RFTN1: variants seen among roughly 807,000 people sequenced by gnomAD.
The protein encoded by RFTN1 is raftlin.
RFTN1 carries 26 observed loss-of-function variants against 46.5 expected under a neutral mutation model. The observed-to-expected ratio is 0.56, with a 90% CI of 0.41 to 0.78. The LOEUF (loss-of-function observed/expected upper bound fraction) is 0.78, where lower values mean the gene tolerates loss of function less well. Ranked by LOEUF, RFTN1 falls within the 30% of genes least tolerant of loss-of-function variation. RFTN1 has a pLI of 0.00. For missense variants in RFTN1, 693 were observed against 718.7 expected, an observed-to-expected ratio of 0.96 and a Z score of 0.41; for synonymous variants, 261 against 284.2, an observed-to-expected ratio of 0.92 and a Z score of 0.82.
At chr3:16,488,305 G>A (rs2076484022) in intron 2 of RFTN1, among the ~76,000 whole-genome samples, 1 of 152,044 alleles carries the variant, frequency 6.6e-6, no homozygotes, top group Non-Finnish European at 1.5e-5. Flanking sequence ...CTCCATGTTG[G>A]TCAGGCTGGT....
intron 4 of RFTN1, among the ~76,000 whole-genome samples, chr3:16,405,468 C>T (rs981485410): frequency 1.3e-5 from 2 of 152,130 alleles, no homozygotes; most frequent in African/African-American, 4.8e-5. Context: ...AGCTAGAGCA[C>T]TCAGAGAAAC....
rs57242614 is a variant in RFTN1 at position 16,443,750 on chromosome 3, AACAC to A, written c.146-9717_146-9714del. ...CACACATAGTCAATGAATTACACAC[AACAC>A]ACACACACACACACACACACACACA... is the stretch of plus-strand genomic sequence containing the variant. On this transcript the variant is annotated intron_variant, in intron 2 of 9. Transcript: ENST00000334133. The surrounding 1 kb of genome is among the most constrained non-coding windows in gnomAD (Gnocchi z 5.5). 0.053 allele frequency among the ~76,000 whole-genome samples: 7,739 copies of A among 145,924 alleles called. 252 individuals carry two copies. Among genetic ancestry groups the A allele is most frequent in the African/African-American group, 0.11 (4,314 of 39,880 alleles).
Position 16,507,562 on chromosome 3 carries a change from C to T in RFTN1, c.-9+5880G>A, listed in dbSNP as rs995385103. Among the ~76,000 whole-genome samples, 3 of 151,754 alleles carry T rather than the reference C, an allele frequency of 2.0e-5. No individual in the cohort carries two copies. Among genetic ancestry groups the T allele is most frequent in the African/African-American group, 7.3e-5 (3 of 41,228 alleles). Reference sequence around the variant, plus strand: ...ATTCCATAAAACTTGAAGGATTCCTCAGGACAAAGGGTAAAAGGCAAAGTA... The same window carrying T: ...ATTCCATAAAACTTGAAGGATTCCTTAGGACAAAGGGTAAAAGGCAAAGTA... On this transcript the variant is annotated intron_variant, in intron 1 of 9. Coordinates refer to ENST00000334133, the MANE Select transcript of RFTN1 (RefSeq NM_015150.2). This position sits in a 1 kb window ranked among gnomAD's most constrained non-coding sequence, Gnocchi z 7.1.
At chr3:16,453,458 C>T (rs1340525765) in intron 2 of RFTN1, among the ~76,000 whole-genome samples, 2 of 152,186 alleles carry the variant, frequency 1.3e-5, no homozygotes, top group African/African-American at 4.8e-5. Context: ...AACCAACAAA[C>T]GACACCTCCT....
chr3:16,435,084 T>A (rs1424119502), intron 2 of RFTN1, among the ~76,000 whole-genome samples: 1 of 152,248 alleles, frequency 6.6e-6, no homozygotes, highest in East Asian at 1.9e-4. Context: ...GTCTACATCC[T>A]AGCCCTATCC....
Position 16,468,281 on chromosome 3 carries a change from G to T in RFTN1, c.145+25444C>A, listed in dbSNP as rs961181854. Among the ~76,000 whole-genome samples the T allele has an allele frequency of 6.6e-6, 1 of 152,108 alleles. No homozygotes were observed. The highest frequency in any genetic ancestry group is 6.5e-5 in the Admixed American group (1 of 15,268). Reference sequence around the variant, plus strand: ...TTTTCATTTGGAAACTTATCTGTAGGAGTTCCCAAACCCTCACTGTCGTTC... The same window carrying T: ...TTTTCATTTGGAAACTTATCTGTAGTAGTTCCCAAACCCTCACTGTCGTTC... On this transcript the variant is annotated intron_variant, in intron 2 of 9. Coordinates refer to ENST00000334133, the MANE Select transcript of RFTN1 (RefSeq NM_015150.2). The surrounding 1 kb of genome is among the most constrained non-coding windows in gnomAD (Gnocchi z 4.4).
rs1429578565 is a variant in RFTN1, at chr3:16,351,391, G to A, written c.1146+6541C>T. Among the ~76,000 whole-genome samples the A allele has an allele frequency of 6.6e-6, 1 of 152,180 alleles. No individual in the cohort carries two copies. Among genetic ancestry groups the A allele is most frequent in the Non-Finnish European group, 1.5e-5 (1 of 68,028 alleles). ...ATATATCCATGATCAGAAATGTCTT[G>A]ACAGGCTGGGGAAATGGGCAGAAGC... On this transcript the variant is annotated intron_variant, in intron 7 of 9. Coordinates refer to ENST00000334133, the MANE Select transcript of RFTN1 (RefSeq NM_015150.2). This position sits in a 1 kb window ranked among gnomAD's most constrained non-coding sequence, Gnocchi z 5.4.
At position 16,352,418 on chromosome 3, in the gene RFTN1, C is replaced by G. The variant is rs149905344; in HGVS notation, c.1146+5514G>C. Among the ~76,000 whole-genome samples, 6 of 152,304 alleles carry G rather than the reference C, an allele frequency of 3.9e-5. No homozygotes were observed. The East Asian group carries it at 1.2e-3, about 29-fold the overall frequency. Reference sequence around the variant, plus strand: ...TCTATGTAGTTTTTTCCTTTCCTTTCCAAGAATTACCCTTTCTGCTCACAT... The same window carrying G: ...TCTATGTAGTTTTTTCCTTTCCTTTGCAAGAATTACCCTTTCTGCTCACAT... On this transcript the variant is annotated intron_variant, in intron 7 of 9. Coordinates refer to ENST00000334133, the MANE Select transcript of RFTN1 (RefSeq NM_015150.2). This position sits in a 1 kb window ranked among gnomAD's most constrained non-coding sequence, Gnocchi z 4.6.
intron 3 of RFTN1, among the ~76,000 whole-genome samples, chr3:16,430,129 T>C (rs2075357042): frequency 6.6e-6 from 1 of 152,184 alleles, no homozygotes; most frequent in Admixed American, 6.5e-5. Flanking sequence ...TTGTTGTTTC[T>C]TGAGACAGGA....
At chr3:16,340,730 C>A (rs1303989075) in intron 7 of RFTN1, among the ~76,000 whole-genome samples, 1 of 152,196 alleles carries the variant, frequency 6.6e-6, no homozygotes, top group Middle Eastern at 3.2e-3. Context: ...TTGTGCTAAT[C>A]CCTACCCCTC....
chr3:16,491,092 G>T (rs1437818454), intron 2 of RFTN1, among the ~76,000 whole-genome samples: 1 of 152,158 alleles, frequency 6.6e-6, no homozygotes, highest in Non-Finnish European at 1.5e-5. Context: ...ATATATAGCA[G>T]GTTACATGGT....
chr3:16,395,423 C>T lies in RFTN1; in HGVS notation c.441+13952G>A, dbSNP rs193291054. ...ATGTGGTTATCAAGCACTTAAAATA[C>T]GACTCATGAGACCAAGGAGCTGAAT... On this transcript the variant is annotated intron_variant, in intron 4 of 9. Coordinates refer to ENST00000334133, the MANE Select transcript of RFTN1 (RefSeq NM_015150.2). 1.2e-3 allele frequency among the ~76,000 whole-genome samples: 182 copies of T among 151,616 alleles called. 3 individuals carry two copies. Among genetic ancestry groups the T allele is most frequent in the Admixed American group, 8.3e-3 (126 of 15,228 alleles).
In RFTN1 at chr3:16,466,156, C is replaced by T. The variant is rs2076087302; in HGVS notation, c.145+27569G>A. On this transcript the variant is annotated intron_variant, in intron 2 of 9. Coordinates refer to ENST00000334133, the MANE Select transcript of RFTN1 (RefSeq NM_015150.2). This position sits in a 1 kb window ranked among gnomAD's most constrained non-coding sequence, Gnocchi z 5.6. ...CACCATGCACCACAATCTTGCATCT[C>T]TCATCACATTCCGTTTTCAGCCACT... Among the ~76,000 whole-genome samples, 1 of 152,224 alleles carries T rather than the reference C, an allele frequency of 6.6e-6. No homozygotes were observed. Among genetic ancestry groups the T allele is most frequent in the African/African-American group, 2.4e-5 (1 of 41,456 alleles).
intron 4 of RFTN1, among the ~76,000 whole-genome samples, chr3:16,404,257 A>T (rs185499009): frequency 8.5e-5 from 1 of 11,830 alleles, no homozygotes; most frequent in African/African-American, 3.7e-4. Flanking sequence ...TATATAATAT[A>T]TAATATATAA....
chr3:16,484,294 C>T lies in RFTN1; in HGVS notation c.145+9431G>A, dbSNP rs1234736686. On this transcript the variant is annotated intron_variant, in intron 2 of 9. Coordinates refer to ENST00000334133, the MANE Select transcript of RFTN1 (RefSeq NM_015150.2). This position sits in a 1 kb window ranked among gnomAD's most constrained non-coding sequence, Gnocchi z 4.6. ...GTAGTTGTGTGTCAGACTAACACCC[C>T]CCAGACTGGAGGTCAAAGAAAAACT... is the stretch of plus-strand genomic sequence containing the variant. Among the ~76,000 whole-genome samples, 1 of 152,136 alleles carries T rather than the reference C, an allele frequency of 6.6e-6. No individual in the cohort carries two copies. Among genetic ancestry groups the T allele is most frequent in the African/African-American group, 2.4e-5 (1 of 41,416 alleles).
In RFTN1 at chr3:16,402,347, C is replaced by A. The variant is rs1437567624; in HGVS notation, c.441+7028G>T. 6.6e-6 allele frequency among the ~76,000 whole-genome samples: 1 copy of A among 152,216 alleles called. No individual in the cohort carries two copies. Among genetic ancestry groups the A allele is most frequent in the Non-Finnish European group, 1.5e-5 (1 of 68,046 alleles). ...CCCCCTGCAAGGCCTGCGCCAGCCG[C>A]CAGCTCACTGTCTTCCACTCTGAAG... is the stretch of plus-strand genomic sequence containing the variant. On this transcript the variant is annotated intron_variant, in intron 4 of 9. Transcript: ENST00000334133. This position sits in a 1 kb window ranked among gnomAD's most constrained non-coding sequence, Gnocchi z 4.5.
In RFTN1 at chr3:16,479,178, G is replaced by A. The variant is rs757733922; in HGVS notation, c.145+14547C>T. ...TATAGTACTCTAACATTCCTTGCAG[G>A]TAGGAGAACAAAACCTTGGCTGGTT... On this transcript the variant is annotated intron_variant, in intron 2 of 9. Coordinates refer to ENST00000334133, the MANE Select transcript of RFTN1 (RefSeq NM_015150.2). The surrounding 1 kb of genome is among the most constrained non-coding windows in gnomAD (Gnocchi z 5.1). Among the ~76,000 whole-genome samples the A allele has an allele frequency of 6.6e-6, 1 of 152,164 alleles. No individual in the cohort carries two copies.
intron 3 of RFTN1, 24 bp from the exon 4 acceptor site, chr3:16,409,507 C>A (rs1234851149): frequency 1.4e-6 from 2 of 1,456,336 alleles, no homozygotes; most frequent in East Asian, 2.3e-5. Context: ...AAAGCACACA[C>A]AGAAACAGAT....
At chr3:16,366,833 C>T (rs527829081) in intron 6 of RFTN1, among the ~76,000 whole-genome samples, 1 of 152,346 alleles carries the variant, frequency 6.6e-6, no homozygotes, top group African/African-American at 2.4e-5. Flanking sequence ...CACTATGCCC[C>T]TCCTCTGTGC....
Sources: allele counts gnomAD v4.1 joint callset (sites outside exome capture counted in the v4.1 genomes callset), GRCh38; gene constraint gnomAD v4.1.1; non-coding constraint Gnocchi (gnomAD v3.1); transcripts MANE v1.5; gene names NCBI Gene and HGNC (gene_info 2026-07-23, HGNC 2026-07-21).